The following DOCK3 variants were observed in gnomAD, a reference collection of about 807,000 sequenced individuals.
DOCK3 encodes dedicator of cytokinesis protein 3.
DOCK3 carries 60 observed loss-of-function variants against 265.6 expected under a neutral mutation model. The observed-to-expected ratio is 0.23, with a 90% CI of 0.18 to 0.28. The LOEUF (loss-of-function observed/expected upper bound fraction) is 0.28, where lower values mean the gene tolerates loss of function less well. DOCK3 is among the 10% of genes least tolerant of loss of function. The pLI, the probability that DOCK3 is intolerant of heterozygous loss-of-function variation, is 1.00. For synonymous variants in DOCK3, 881 were observed against 938.0 expected (o/e 0.94, Z 1.11); for missense variants, 1,981 against 2,594.3 (o/e 0.76, Z 5.14).
chr3:51,063,466 T>C (rs559078550), intron 5 of DOCK3, among the ~76,000 whole-genome samples: 27 of 152,358 alleles, frequency 1.8e-4, no homozygotes, highest in African/African-American at 5.8e-4. Flanking sequence ...TCTACTGTTT[T>C]GTGATTTGCT....
chr3:51,058,699 G>A (rs2081287588), intron 5 of DOCK3, among the ~76,000 whole-genome samples: 2 of 152,132 alleles, frequency 1.3e-5, no homozygotes, highest in Admixed American at 1.3e-4. Context: ...GAGAAGTCCA[G>A]GATCAAGATT....
chr3:50,850,784 T>G (rs528667161), intron 3 of DOCK3, among the ~76,000 whole-genome samples: 1 of 152,314 alleles, frequency 6.6e-6, no homozygotes, highest in African/African-American at 2.4e-5. Context: ...ATGCACACAC[T>G]TTGGCAGGTT....
chr3:50,842,385 AC>A (rs1156821445), intron 3 of DOCK3, among the ~76,000 whole-genome samples: 3 of 152,190 alleles, frequency 2.0e-5, no homozygotes, highest in Admixed American at 6.6e-5. Context: ...CAAAATTATC[AC>A]TTTTTTCATT....
intron 1 of DOCK3, among the ~76,000 whole-genome samples, chr3:50,744,599 A>G (rs1386486656): frequency 3.3e-5 from 5 of 151,908 alleles, no homozygotes; most frequent in Non-Finnish European, 5.9e-5. Flanking sequence ...ACACCTGGCT[A>G]ATTTTTTGTG....
At chr3:51,278,574 T>C (rs2080942404) in intron 26 of DOCK3, 1 of 981,866 alleles carries the variant, frequency 1.0e-6, no homozygotes, top group African/African-American at 1.8e-5. Context: ...TCTGCTCCTT[T>C]AGGAGCCTCT....
At chr3:51,378,816 AC>A (rs1438762347) in intron 51 of DOCK3, among the ~76,000 whole-genome samples, 2 of 152,220 alleles carry the variant, frequency 1.3e-5, no homozygotes, top group Non-Finnish European at 2.9e-5. Flanking sequence ...CTTCTTTAAC[AC>A]AGAAGGGCAC....
rs139629294 is a variant in DOCK3, at chr3:50,905,298, C to G, written c.218+15217C>G. 3.1e-4 allele frequency among the ~76,000 whole-genome samples: 47 copies of G among 152,022 alleles called. No homozygotes were observed. In the East Asian group the frequency reaches 6.0e-3, roughly 19 times the overall value. ...AAGTAGTTTTTTCCAATTCTGTGAACAAAGTCATTGGTAGCTTGATGGGGA... is the reference window on the plus strand; with the variant it reads ...AAGTAGTTTTTTCCAATTCTGTGAAGAAAGTCATTGGTAGCTTGATGGGGA... On this transcript the variant is annotated intron_variant, in intron 4 of 52. Transcript: ENST00000266037.
chr3:50,929,416 A>C (rs998716130), intron 4 of DOCK3, among the ~76,000 whole-genome samples: 2 of 152,194 alleles, frequency 1.3e-5, no homozygotes, highest in African/African-American at 4.8e-5. Context: ...CAGCTTGCTA[A>C]AAACCATAGT....
chr3:51,278,585 GT>G lies in DOCK3; in HGVS notation c.2823+833del, dbSNP rs1350367227. The G allele has an allele frequency of 4.1e-6, 4 of 972,608 alleles. No homozygotes were observed. The African/African-American group carries it at 5.4e-5, about 13-fold the overall frequency. 60.2% of individuals were successfully genotyped at this position (972,608 alleles called of 1,614,324 possible). On this transcript the variant is annotated intron_variant, in intron 26 of 52. Transcript: ENST00000266037. ...AGTGTCTGCTCCTTTAGGAGCCTCT[GT>G]TGAAGGCACTCTCACTGTAAGTAAA...
chr3:51,318,510 T>C (rs924057268), intron 32 of DOCK3, among the ~76,000 whole-genome samples: 2 of 152,206 alleles, frequency 1.3e-5, no homozygotes, highest in African/African-American at 4.8e-5. Flanking sequence ...CTTACACATA[T>C]ATTATTAGAT....
chr3:50,915,463 G>C (rs567506781), intron 4 of DOCK3, among the ~76,000 whole-genome samples: 1 of 152,018 alleles, frequency 6.6e-6, no homozygotes, highest in Non-Finnish European at 1.5e-5. Flanking sequence ...TCTAGGGGAC[G>C]AGTTCACCTG....
intron 5 of DOCK3, among the ~76,000 whole-genome samples, chr3:51,010,008 T>C (rs906859922): frequency 6.6e-6 from 1 of 152,236 alleles, no homozygotes; most frequent in Non-Finnish European, 1.5e-5. Context: ...TCTATTCTTT[T>C]ACATTTGCTG....
chr3:50,741,643 A>G (rs2039036788), intron 1 of DOCK3, among the ~76,000 whole-genome samples: 1 of 149,704 alleles, frequency 6.7e-6, no homozygotes, highest in Admixed American at 6.6e-5. Context: ...CATGGTGTAT[A>G]TGTGCCACAT....
At chr3:51,101,113 CTTTTTTTTTT>C (rs59972198) in intron 9 of DOCK3, among the ~76,000 whole-genome samples, 2 of 122,566 alleles carry the variant, frequency 1.6e-5, no homozygotes, top group East Asian at 4.6e-4. Context: ...CTTAGTCTTT[CTTTTTTTTTT>C]TTTTTTTTGA....
chr3:51,289,535 A>G (rs1413752172), intron 27 of DOCK3, among the ~76,000 whole-genome samples: 2 of 152,230 alleles, frequency 1.3e-5, no homozygotes. Flanking sequence ...CCAGAAAACA[A>G]AACAGCACTA....
intron 3 of DOCK3, among the ~76,000 whole-genome samples, chr3:50,888,988 C>A (rs2048492210): frequency 6.6e-6 from 1 of 151,276 alleles, no homozygotes; most frequent in Non-Finnish European, 1.5e-5. Flanking sequence ...TTACTGTAGT[C>A]TAATTGCTTA....
chr3:51,229,452 A>C (rs2090456520), intron 18 of DOCK3, 60 bp from the exon 19 acceptor site: 1 of 1,212,656 alleles, frequency 8.2e-7, no homozygotes, highest in Non-Finnish European at 1.1e-6. Flanking sequence ...CTCCGTCTAA[A>C]AAAAAAAAAA....
intron 27 of DOCK3, among the ~76,000 whole-genome samples, chr3:51,291,127 T>G (rs151271324): frequency 6.6e-6 from 1 of 152,024 alleles, no homozygotes; most frequent in Non-Finnish European, 1.5e-5. Flanking sequence ...TGGAAACATA[T>G]CAAATCTTAC....
At chr3:50,868,652 G>C (rs1240810990) in intron 3 of DOCK3, among the ~76,000 whole-genome samples, 1 of 152,130 alleles carries the variant, frequency 6.6e-6, no homozygotes, top group Non-Finnish European at 1.5e-5. Flanking sequence ...GAGATTATAG[G>C]TGTGAGCCAC....
Sources: gnomAD v4.1 joint callset for allele counts (sites outside exome capture counted in the v4.1 genomes callset) on GRCh38, gnomAD v4.1.1 for gene constraint, MANE v1.5 for transcripts, NCBI Gene and HGNC (gene_info 2026-07-23, HGNC 2026-07-21) for gene names.